NELL2: variants seen among roughly 807,000 people sequenced by gnomAD.
NELL2 encodes the protein protein kinase C-binding protein NELL2.
In NELL2, 41 loss-of-function variants were observed where a neutral mutation model predicts 109.6. That is an observed-to-expected ratio of 0.37 (90% CI 0.29 to 0.49). The LOEUF is 0.49. Ranked by LOEUF, NELL2 falls within the 20% of genes least tolerant of loss-of-function variation. The probability of loss-of-function intolerance (pLI) is 0.98; values close to 1 mark genes in which losing one functional copy is unlikely to be tolerated. For synonymous variants in NELL2, 355 were observed against 344.7 expected (o/e 1.03, Z -0.33); for missense variants, 900 against 1,008.3 (o/e 0.89, Z 1.45).
At chr12:44,872,451 TA>T (rs1454709355) in intron 2 of NELL2, among the ~76,000 whole-genome samples, 2 of 152,154 alleles carry the variant, frequency 1.3e-5, no homozygotes, top group African/African-American at 4.8e-5. Context: ...CATATGACTT[TA>T]AAATATATTT....
intron 14 of NELL2, among the ~76,000 whole-genome samples, chr12:44,609,675 A>G (rs1191427313): frequency 6.6e-6 from 1 of 152,086 alleles, no homozygotes; most frequent in Non-Finnish European, 1.5e-5. Context: ...AAAATGACCT[A>G]CACTGATGAT....
chr12:44,806,684 C>T (rs1825117687), intron 3 of NELL2, among the ~76,000 whole-genome samples: 1 of 151,954 alleles, frequency 6.6e-6, no homozygotes, highest in East Asian at 1.9e-4. Context: ...GATTACTATA[C>T]ATTTTGAATA....
At chr12:44,892,100 G>A (rs1945541031) in intron 1 of NELL2, among the ~76,000 whole-genome samples, 2 of 152,206 alleles carry the variant, frequency 1.3e-5, no homozygotes, top group South Asian at 4.1e-4. Flanking sequence ...TCACCCAGCT[G>A]AGAGAATATG....
chr12:44,572,396 C>T (rs1943909268), intron 15 of NELL2, among the ~76,000 whole-genome samples: 1 of 152,118 alleles, frequency 6.6e-6, no homozygotes, highest in South Asian at 2.1e-4. Flanking sequence ...GCTTTCCTCC[C>T]ACCTTGGTCT....
intron 15 of NELL2, among the ~76,000 whole-genome samples, chr12:44,601,045 AAAT>A (rs1945199562): frequency 6.6e-6 from 1 of 152,176 alleles, no homozygotes; most frequent in African/African-American, 2.4e-5. Context: ...CTATTGAAAA[AAAT>A]AATATTTTTA....
intron 2 of NELL2, among the ~76,000 whole-genome samples, chr12:44,821,578 A>C (rs1465442130): frequency 6.6e-6 from 1 of 152,238 alleles, no homozygotes; most frequent in Non-Finnish European, 1.5e-5. Context: ...CATCTCAAGG[A>C]TTACATAATG....
chr12:44,855,600 T>C (rs535810218), intron 2 of NELL2, among the ~76,000 whole-genome samples: 4 of 152,364 alleles, frequency 2.6e-5, no homozygotes, highest in Non-Finnish European at 5.9e-5. Context: ...GTCTGGCTTA[T>C]TTGCAATAAT....
chr12:44,732,494 A>G (rs1403611561), intron 9 of NELL2, among the ~76,000 whole-genome samples: 2 of 151,988 alleles, frequency 1.3e-5, no homozygotes, highest in Non-Finnish European at 2.9e-5. Context: ...TGGGAAAACA[A>G]TATCAAATGC....
chr12:44,899,085 A>G (rs1451368751), intron 1 of NELL2, among the ~76,000 whole-genome samples: 1 of 152,120 alleles, frequency 6.6e-6, no homozygotes, highest in Non-Finnish European at 1.5e-5. Flanking sequence ...AACAAAAAAA[A>G]CAAAGCCTCC....
chr12:44,744,400 C>A (rs1305845232), intron 9 of NELL2, among the ~76,000 whole-genome samples: 1 of 152,026 alleles, frequency 6.6e-6, no homozygotes, highest in Admixed American at 6.5e-5. Context: ...ACTAGAAAAG[C>A]AAGAGCAAAC....
At chr12:44,593,726 G>C (rs1944849050) in intron 15 of NELL2, among the ~76,000 whole-genome samples, 1 of 152,156 alleles carries the variant, frequency 6.6e-6, no homozygotes, top group African/African-American at 2.4e-5. Context: ...CAGTGTAAAA[G>C]CGTTCCTATT....
chr12:44,766,661 C>T (rs1718645830), intron 9 of NELL2, among the ~76,000 whole-genome samples: 1 of 152,156 alleles, frequency 6.6e-6, no homozygotes, highest in Non-Finnish European at 1.5e-5. Context: ...TAGATTATCA[C>T]TCTTTTGCTT....
At chr12:44,629,579 T>C (rs1946380000) in intron 13 of NELL2, among the ~76,000 whole-genome samples, 4 of 152,176 alleles carry the variant, frequency 2.6e-5, no homozygotes, top group Non-Finnish European at 4.4e-5. Context: ...ATAGACTCCA[T>C]ATTTCAGAGA....
chr12:44,622,393 T>G (rs1946092595), intron 13 of NELL2, among the ~76,000 whole-genome samples: 1 of 152,070 alleles, frequency 6.6e-6, no homozygotes. Flanking sequence ...AGGCTTTCAC[T>G]AAGCTAGTGA....
chr12:44,919,859 A>T (rs1034983890), intron 1 of NELL2, among the ~76,000 whole-genome samples: 3 of 152,328 alleles, frequency 2.0e-5, no homozygotes, highest in Admixed American at 6.5e-5. Context: ...AAGCTAATAC[A>T]TGCATTTAAT....
intron 19 of NELL2, among the ~76,000 whole-genome samples, chr12:44,512,789 T>C (rs1229896349): frequency 6.6e-6 from 1 of 152,054 alleles, no homozygotes; most frequent in African/African-American, 2.4e-5. Flanking sequence ...AGAAGAATTA[T>C]GGTGATCAGA....
chr12:44,881,877 G>GA (rs1426039580), intron 1 of NELL2: 2 of 151,546 alleles, frequency 1.3e-5, no homozygotes, highest in African/African-American at 4.9e-5. Context: ...CAATAGAGAA[G>GA]AAAAAATCCT....
intron 12 of NELL2, among the ~76,000 whole-genome samples, chr12:44,676,821 G>A (rs911200467): frequency 1.3e-5 from 2 of 152,058 alleles, no homozygotes; most frequent in Admixed American, 1.3e-4. Flanking sequence ...GGAATGTGGG[G>A]AACAAAGGCA....
intron 18 of NELL2, among the ~76,000 whole-genome samples, chr12:44,521,293 G>A (rs1941513706): frequency 6.6e-6 from 1 of 150,602 alleles, no homozygotes; most frequent in Non-Finnish European, 1.5e-5. Context: ...TGCTTTGGGA[G>A]GCCGAGGCGG....
Sources: allele counts gnomAD v4.1 joint callset (sites outside exome capture counted in the v4.1 genomes callset), GRCh38; gene constraint gnomAD v4.1.1; transcripts MANE v1.5; gene names NCBI Gene and HGNC (gene_info 2026-07-23, HGNC 2026-07-21).